UST: variants seen among roughly 807,000 people sequenced by gnomAD.
UST encodes chondroitin sulfate 2-O-sulfotransferase.
A neutral mutation model predicts 45.6 loss-of-function variants in UST; 21 were observed. That is an observed-to-expected ratio of 0.46 (90% CI 0.33 to 0.66). UST has a LOEUF of 0.66. UST is among the 30% of genes least tolerant of loss of function. The pLI is 0.02. For missense variants in UST, 463 were observed against 512.4 expected (o/e 0.90, Z 0.93); for synonymous variants, 215 against 200.6 (o/e 1.07, Z -0.61).
intron 1 of UST, among the ~76,000 whole-genome samples, chr6:148,775,664 A>AT (rs1776520189): frequency 1.3e-5 from 2 of 150,672 alleles, no homozygotes; most frequent in Non-Finnish European, 3.0e-5. Flanking sequence ...GTCTCACTCT[A>AT]TCCCCCAGGC....
intron 2 of UST, among the ~76,000 whole-genome samples, chr6:148,939,375 G>T (rs1481367280): frequency 1.3e-5 from 2 of 152,118 alleles, no homozygotes; most frequent in Non-Finnish European, 2.9e-5. Flanking sequence ...AAATGCAAAG[G>T]ACACAGAGTA....
chr6:148,864,237 G>A (rs770297275), intron 1 of UST, among the ~76,000 whole-genome samples: 5 of 152,312 alleles, frequency 3.3e-5, no homozygotes, highest in South Asian at 4.1e-4. Context: ...CTGCCACCTC[G>A]CAGTTCGATC....
chr6:149,000,246 T>C (rs955559629), intron 5 of UST, among the ~76,000 whole-genome samples: 11 of 152,182 alleles, frequency 7.2e-5, no homozygotes, highest in African/African-American at 2.2e-4. Flanking sequence ...AGGCTAGAGA[T>C]ATACAGAGGT....
intron 1 of UST, among the ~76,000 whole-genome samples, chr6:148,799,913 C>G (rs1437761187): frequency 6.6e-6 from 1 of 152,180 alleles, no homozygotes; most frequent in Admixed American, 6.5e-5. Context: ...AACTCTCTCT[C>G]TCACTCCCTC....
At chr6:148,930,901 A>G (rs1779909314) in intron 2 of UST, among the ~76,000 whole-genome samples, 1 of 152,270 alleles carries the variant, frequency 6.6e-6, no homozygotes, top group Non-Finnish European at 1.5e-5. Context: ...AGAAACTAAC[A>G]TTTGATTCAG....
intron 7 of UST, among the ~76,000 whole-genome samples, chr6:149,051,090 A>G (rs868538193): frequency 2.0e-5 from 3 of 152,210 alleles, no homozygotes; most frequent in African/African-American, 7.2e-5. Context: ...AACCCAGGGA[A>G]AGATGGTGGA....
intron 4 of UST, among the ~76,000 whole-genome samples, chr6:148,957,885 C>G (rs1250217613): frequency 1.3e-5 from 2 of 152,222 alleles, no homozygotes; most frequent in African/African-American, 4.8e-5. Context: ...ATGAGAAGAA[C>G]TGACACTGCA....
intron 1 of UST, among the ~76,000 whole-genome samples, chr6:148,800,296 G>C (rs930495219): frequency 6.6e-6 from 1 of 152,146 alleles, no homozygotes; most frequent in Non-Finnish European, 1.5e-5. Flanking sequence ...GCAAATTACC[G>C]AACACAGGGC....
intron 1 of UST, among the ~76,000 whole-genome samples, chr6:148,787,464 G>A (rs1314645044): frequency 6.6e-6 from 1 of 152,046 alleles, no homozygotes; most frequent in East Asian, 1.9e-4. Flanking sequence ...CCCATTGCTT[G>A]TTTTTTTCAG....
intron 7 of UST, among the ~76,000 whole-genome samples, chr6:149,033,693 C>T (rs932418032): frequency 1.3e-5 from 2 of 152,170 alleles, no homozygotes; most frequent in African/African-American, 2.4e-5. Flanking sequence ...CCCCGCCCCT[C>T]GTCTTTACCA....
chr6:148,785,455 G>A (rs1364476670), intron 1 of UST, among the ~76,000 whole-genome samples: 2 of 152,126 alleles, frequency 1.3e-5, no homozygotes, highest in African/African-American at 4.8e-5. Flanking sequence ...GGTTAAATGA[G>A]GCAATGCAAA....
At chr6:148,994,116 T>C (rs1781405129) in intron 5 of UST, among the ~76,000 whole-genome samples, 1 of 151,980 alleles carries the variant, frequency 6.6e-6, no homozygotes, top group Admixed American at 6.5e-5. Context: ...ACTACAGGCA[T>C]GCACCAGCAC....
At chr6:148,898,051 A>G (rs1381760785) in intron 2 of UST, among the ~76,000 whole-genome samples, 4 of 152,178 alleles carry the variant, frequency 2.6e-5, no homozygotes, top group African/African-American at 9.7e-5. Context: ...GCTGCTTTTC[A>G]TTTTATGGAA....
intron 3 of UST, among the ~76,000 whole-genome samples, chr6:148,943,161 T>G (rs1400544810): frequency 6.6e-6 from 1 of 152,246 alleles, no homozygotes; most frequent in Non-Finnish European, 1.5e-5. Context: ...AATTATTAAA[T>G]TTGGTGTTCT....
intron 1 of UST, among the ~76,000 whole-genome samples, chr6:148,793,435 C>T (rs1776890152): frequency 6.6e-6 from 1 of 152,170 alleles, no homozygotes; most frequent in Non-Finnish European, 1.5e-5. Flanking sequence ...CCAGAAACCC[C>T]CCTCCTCACC....
At chr6:148,793,971 A>G (rs1446246444) in intron 1 of UST, among the ~76,000 whole-genome samples, 1 of 152,072 alleles carries the variant, frequency 6.6e-6, no homozygotes, top group African/African-American at 2.4e-5. Flanking sequence ...ATCAGCGCAT[A>G]TTTCTGTTGG....
At chr6:148,985,710 G>A (rs959173563) in intron 5 of UST, among the ~76,000 whole-genome samples, 3 of 152,182 alleles carry the variant, frequency 2.0e-5, no homozygotes, top group Admixed American at 6.5e-5. Flanking sequence ...AGAGGTATGC[G>A]TGGGATTGTC....
At chr6:148,940,048 T>C (rs988622954) in intron 2 of UST, among the ~76,000 whole-genome samples, 3 of 152,164 alleles carry the variant, frequency 2.0e-5, no homozygotes, top group Non-Finnish European at 2.9e-5. Flanking sequence ...TGGATTTGAA[T>C]AGACATTTCT....
chr6:148,838,910 C>T (rs542782129), intron 1 of UST, among the ~76,000 whole-genome samples: 218 of 152,304 alleles, frequency 1.4e-3, no homozygotes, highest in African/African-American at 4.4e-3. Context: ...GGGCCCCCAG[C>T]AGGTCCCCTG....
Sources: allele counts gnomAD v4.1 joint callset (sites outside exome capture counted in the v4.1 genomes callset), GRCh38; gene constraint gnomAD v4.1.1; transcripts MANE v1.5; gene names NCBI Gene and HGNC (gene_info 2026-07-23, HGNC 2026-07-21).